The following XNDC1N variants were observed in gnomAD, a reference collection of about 807,000 sequenced individuals.
The protein encoded by XNDC1N is protein XNDC1N.
chr11:71,924,945 C>T, the XNDC1N span, among the ~76,000 whole-genome samples: 99 of 152,054 alleles, frequency 6.5e-4, 2 homozygotes, highest in African/African-American at 2.0e-3. Flanking sequence ...AATATGAGTC[C>T]GTGACTCTTG....
At chr11:71,890,025 G>A in the XNDC1N span, among the ~76,000 whole-genome samples, 4 of 152,176 alleles carry the variant, frequency 2.6e-5, no homozygotes, top group Non-Finnish European at 4.4e-5. Flanking sequence ...GGATCACACG[G>A]AAACTGCATG....
the XNDC1N span, among the ~76,000 whole-genome samples, chr11:71,872,928 A>G: frequency 6.6e-6 from 1 of 152,180 alleles, no homozygotes; most frequent in South Asian, 2.1e-4. Flanking sequence ...AAAGGATTCT[A>G]TCATGATATC....
chr11:71,922,165 A>T, the XNDC1N span, among the ~76,000 whole-genome samples: 1 of 152,236 alleles, frequency 6.6e-6, no homozygotes, highest in Non-Finnish European at 1.5e-5. Context: ...GTCTAAAAAA[A>T]GTAAAAAGTC....
chr11:71,919,929 C>CTTCTTTTTCTTTTT, the XNDC1N span, among the ~76,000 whole-genome samples: 1 of 26,590 alleles, frequency 3.8e-5, no homozygotes, highest in Non-Finnish European at 8.4e-5. Flanking sequence ...AAGCAGGCCT[C>CTTCTTTTTCTTTTT]TTTTTTTTTT....
the XNDC1N span, chr11:71,928,087 T>C: frequency 8.8e-6 from 2 of 227,916 alleles, no homozygotes; most frequent in Admixed American, 5.3e-5. Context: ...CAGTGAATGG[T>C]GTATAAAAAG....
the XNDC1N span, among the ~76,000 whole-genome samples, chr11:71,917,947 T>G: frequency 6.6e-6 from 1 of 152,174 alleles, no homozygotes; most frequent in Non-Finnish European, 1.5e-5. Context: ...GAGACTCCAG[T>G]CCACCAAATA....
the XNDC1N span, among the ~76,000 whole-genome samples, chr11:71,910,751 G>A: frequency 3.9e-5 from 6 of 152,178 alleles, no homozygotes; most frequent in Non-Finnish European, 8.8e-5. Flanking sequence ...GCCATCTAGG[G>A]GAGCCTAAGA....
chr11:71,882,537 C>T, the XNDC1N span, among the ~76,000 whole-genome samples: 31,916 of 152,160 alleles, frequency 0.21, 6,301 homozygotes, highest in African/African-American at 0.52. Flanking sequence ...AGCCTACCCT[C>T]TAAATTAAAG....
the XNDC1N span, among the ~76,000 whole-genome samples, chr11:71,904,923 T>C: frequency 6.6e-6 from 1 of 151,900 alleles, no homozygotes; most frequent in African/African-American, 2.4e-5. Context: ...CCTAGGACAT[T>C]ACGAATAATA....
At chr11:71,898,596 G>C in the XNDC1N span, among the ~76,000 whole-genome samples, 1 of 152,210 alleles carries the variant, frequency 6.6e-6, no homozygotes, top group African/African-American at 2.4e-5. Context: ...GACAGAGAAA[G>C]ACTCTGTTTC....
At chr11:71,902,343 C>A in the XNDC1N span, among the ~76,000 whole-genome samples, 1 of 152,190 alleles carries the variant, frequency 6.6e-6, no homozygotes, top group Non-Finnish European at 1.5e-5. Context: ...AGGCGCACGC[C>A]GCCATACCGG....
the XNDC1N span, among the ~76,000 whole-genome samples, chr11:71,921,795 TC>T: frequency 6.6e-6 from 1 of 152,090 alleles, no homozygotes; most frequent in East Asian, 1.9e-4. Flanking sequence ...TAGAAGTGGA[TC>T]TCTAAAGAGT....
At chr11:71,907,979 C>T in the XNDC1N span, among the ~76,000 whole-genome samples, 3 of 152,086 alleles carry the variant, frequency 2.0e-5, no homozygotes, top group Admixed American at 1.3e-4. Flanking sequence ...TTGTGAGTAA[C>T]GTCATACTCC....
chr11:71,898,397 A>G, the XNDC1N span, among the ~76,000 whole-genome samples: 1 of 152,150 alleles, frequency 6.6e-6, no homozygotes, highest in Non-Finnish European at 1.5e-5. Flanking sequence ...ACTTAAGCTC[A>G]GGAGTTCGAG....
At chr11:71,893,851 T>C in the XNDC1N span, 70 of 958,858 alleles carry the variant, frequency 7.3e-5, no homozygotes, top group Non-Finnish European at 9.7e-5. Flanking sequence ...AGCCATCTGT[T>C]GCCCTCTGCA....
chr11:71,925,747 G>A, the XNDC1N span, among the ~76,000 whole-genome samples: 1 of 151,872 alleles, frequency 6.6e-6, no homozygotes, highest in Admixed American at 6.6e-5. Context: ...GGACGTGGTG[G>A]CGGGGGCCTG....
At chr11:71,903,930 A>G in the XNDC1N span, 1 of 449,854 alleles carries the variant, frequency 2.2e-6, no homozygotes, top group Non-Finnish European at 4.5e-6. Context: ...CTCACCTGTC[A>G]GTTGTTTGCT....
At chr11:71,916,112 CCA>C in the XNDC1N span, 1 of 702,852 alleles carries the variant, frequency 1.4e-6, no homozygotes, top group African/African-American at 1.7e-5. Flanking sequence ...GAGGGACCCA[CCA>C]CAGAGTCATC....
chr11:71,917,391 AAT>A, the XNDC1N span: 1 of 614,522 alleles, frequency 1.6e-6, no homozygotes, highest in East Asian at 2.7e-5. Context: ...TATAAATATA[AAT>A]AGTTCATAAA....
Sources: gnomAD v4.1 joint callset for allele counts (sites outside exome capture counted in the v4.1 genomes callset) on GRCh38, gnomAD v4.1.1 for gene constraint, MANE v1.5 for transcripts, NCBI Gene and HGNC (gene_info 2026-07-23, HGNC 2026-07-21) for gene names.